LHFPL3: variants seen among roughly 807,000 people sequenced by gnomAD.
The protein encoded by LHFPL3 is LHFPL tetraspan subfamily member 3 protein.
In LHFPL3, 5 loss-of-function variants were observed where a neutral mutation model predicts 19.3. That is an observed-to-expected ratio of 0.26 (90% CI 0.14 to 0.54). LHFPL3 has a LOEUF of 0.54. Among genes scored for constraint, LHFPL3 ranks in the 20% least tolerant of loss-of-function variants. LHFPL3 has a pLI of 0.94. For missense variants in LHFPL3, 249 were observed against 307.4 expected, an observed-to-expected ratio of 0.81 and a Z score of 1.42; for synonymous variants, 133 against 126.2, an observed-to-expected ratio of 1.05 and a Z score of -0.36.
intron 2 of LHFPL3, among the ~76,000 whole-genome samples, chr7:104,852,615 T>C (rs1434851630): frequency 6.6e-6 from 1 of 152,216 alleles, no homozygotes; most frequent in Non-Finnish European, 1.5e-5. Flanking sequence ...TCCATGTTCT[T>C]TGCTCCTACA....
chr7:104,662,044 C>T (rs1016520653), intron 1 of LHFPL3, among the ~76,000 whole-genome samples: 8 of 152,202 alleles, frequency 5.3e-5, no homozygotes, highest in Non-Finnish European at 1.2e-4. Flanking sequence ...ATTCCCAATC[C>T]AGGTGGGATG....
At chr7:104,539,251 G>C (rs765173044) in intron 1 of LHFPL3, among the ~76,000 whole-genome samples, 3 of 152,136 alleles carry the variant, frequency 2.0e-5, no homozygotes, top group Non-Finnish European at 4.4e-5. Flanking sequence ...GGTATTCCAC[G>C]TGGAAGGAAT....
chr7:104,450,699 G>A (rs1443419889), intron 1 of LHFPL3, among the ~76,000 whole-genome samples: 1 of 151,680 alleles, frequency 6.6e-6, no homozygotes, highest in African/African-American at 2.4e-5. Flanking sequence ...TTCTGCACAT[G>A]TACCCCAGAA....
chr7:104,778,841 T>C (rs1794675954), intron 2 of LHFPL3, among the ~76,000 whole-genome samples: 1 of 152,210 alleles, frequency 6.6e-6, no homozygotes, highest in Non-Finnish European at 1.5e-5. Flanking sequence ...AAAATGGAGA[T>C]AATGATAACA....
At chr7:104,362,577 T>A (rs904439815) in intron 1 of LHFPL3, among the ~76,000 whole-genome samples, 1 of 152,206 alleles carries the variant, frequency 6.6e-6, no homozygotes. Flanking sequence ...GTTTCCTCAA[T>A]GCTATGTAAG....
At chr7:104,677,958 C>A (rs1456334004) in intron 1 of LHFPL3, among the ~76,000 whole-genome samples, 2 of 152,154 alleles carry the variant, frequency 1.3e-5, no homozygotes, top group Non-Finnish European at 2.9e-5. Context: ...CAGTCTGTGG[C>A]AGATAGGCCT....
At chr7:104,699,706 T>C (rs982896714) in intron 1 of LHFPL3, among the ~76,000 whole-genome samples, 1 of 152,172 alleles carries the variant, frequency 6.6e-6, no homozygotes, top group Non-Finnish European at 1.5e-5. Flanking sequence ...TTATGTTATA[T>C]ATGTTTTACT....
intron 1 of LHFPL3, among the ~76,000 whole-genome samples, chr7:104,667,329 A>G (rs1223288969): frequency 1.3e-5 from 2 of 151,508 alleles, no homozygotes; most frequent in Non-Finnish European, 2.9e-5. Flanking sequence ...AACGTGTTTT[A>G]TGGTGGCTAT....
At chr7:104,698,105 T>A (rs1429327386) in intron 1 of LHFPL3, among the ~76,000 whole-genome samples, 1 of 152,190 alleles carries the variant, frequency 6.6e-6, no homozygotes, top group Non-Finnish European at 1.5e-5. Context: ...CTCATTTCAG[T>A]CAGGGCCTTA....
intron 1 of LHFPL3, among the ~76,000 whole-genome samples, chr7:104,341,627 A>G (rs1469580469): frequency 6.6e-6 from 1 of 152,214 alleles, no homozygotes; most frequent in Non-Finnish European, 1.5e-5. Flanking sequence ...CTGCTCTTCC[A>G]GACCTCTCAG....
chr7:104,383,111 A>T (rs1439906757), intron 1 of LHFPL3, among the ~76,000 whole-genome samples: 1 of 152,250 alleles, frequency 6.6e-6, no homozygotes, highest in African/African-American at 2.4e-5. Flanking sequence ...TTGTCATCTG[A>T]TACCAACAGT....
intron 1 of LHFPL3, among the ~76,000 whole-genome samples, chr7:104,429,449 G>A (rs1010415835): frequency 2.0e-5 from 3 of 150,900 alleles, no homozygotes; most frequent in East Asian, 1.9e-4. Flanking sequence ...CTGAGATTAC[G>A]GGTGCCCACA....
chr7:104,529,628 G>A (rs529026862), intron 1 of LHFPL3, among the ~76,000 whole-genome samples: 2 of 152,284 alleles, frequency 1.3e-5, no homozygotes, highest in East Asian at 1.9e-4. Flanking sequence ...TGTTAAAGTA[G>A]TCATCCCTCT....
At chr7:104,495,766 T>TCTCA (rs1342134873) in intron 1 of LHFPL3, among the ~76,000 whole-genome samples, 1 of 152,140 alleles carries the variant, frequency 6.6e-6, no homozygotes, top group Non-Finnish European at 1.5e-5. Flanking sequence ...CAAGTGATTC[T>TCTCA]CTCACCTCAA....
chr7:104,536,252 G>A (rs898869100), intron 1 of LHFPL3, among the ~76,000 whole-genome samples: 5 of 152,164 alleles, frequency 3.3e-5, no homozygotes, highest in Admixed American at 3.3e-4. Context: ...AAGAAAAACA[G>A]AACAGAAACA....
intron 2 of LHFPL3, among the ~76,000 whole-genome samples, chr7:104,816,848 A>G (rs1584550935): frequency 6.6e-6 from 1 of 152,080 alleles, no homozygotes; most frequent in African/African-American, 2.4e-5. Context: ...CTTTAACTCC[A>G]TTGTATTTGT....
intron 1 of LHFPL3, among the ~76,000 whole-genome samples, chr7:104,511,127 A>G (rs147638608): frequency 6.6e-6 from 1 of 152,334 alleles, no homozygotes; most frequent in Non-Finnish European, 1.5e-5. Flanking sequence ...CCAACAGTAA[A>G]AATACAGACA....
chr7:104,370,936 A>G (rs1790601774), intron 1 of LHFPL3, among the ~76,000 whole-genome samples: 1 of 152,238 alleles, frequency 6.6e-6, no homozygotes, highest in South Asian at 2.1e-4. Flanking sequence ...TTCTTAAGCT[A>G]TTAAAGCTAA....
At chr7:104,645,020 T>C (rs771526844) in intron 1 of LHFPL3, among the ~76,000 whole-genome samples, 4 of 152,200 alleles carry the variant, frequency 2.6e-5, no homozygotes, top group African/African-American at 9.6e-5. Flanking sequence ...GATCTTTCTA[T>C]AAAAATGTTC....
Sources: gnomAD v4.1 joint callset for allele counts (sites outside exome capture counted in the v4.1 genomes callset) on GRCh38, gnomAD v4.1.1 for gene constraint, MANE v1.5 for transcripts, NCBI Gene and HGNC (gene_info 2026-07-23, HGNC 2026-07-21) for gene names.